The following TNFAIP8 variants were observed in gnomAD, a reference collection of about 807,000 sequenced individuals.
The protein encoded by TNFAIP8 is TNF alpha induced protein 8, also known as tumor necrosis factor alpha-induced protein 8.
A neutral mutation model predicts 13.3 loss-of-function variants in TNFAIP8; 7 were observed. The observed-to-expected ratio is 0.52, with a 90% CI of 0.30 to 0.99. The LOEUF (loss-of-function observed/expected upper bound fraction) is 0.99. TNFAIP8 is among the 50% of genes least tolerant of loss of function. The pLI, the probability that TNFAIP8 is intolerant of heterozygous loss-of-function variation, is 0.07. For missense variants in TNFAIP8, 258 were observed against 236.9 expected (o/e 1.09, Z -0.58); for synonymous variants, 94 against 87.6 (o/e 1.07, Z -0.41).
At chr5:119,314,815 G>C (rs1749835288) in intron 1 of TNFAIP8, among the ~76,000 whole-genome samples, 1 of 152,154 alleles carries the variant, frequency 6.6e-6, no homozygotes, top group Non-Finnish European at 1.5e-5. Context: ...GTGCTGTCAG[G>C]AGTTAGTAAG....
At chr5:119,278,739 A>G (rs1278374173) in intron 1 of TNFAIP8, among the ~76,000 whole-genome samples, 1 of 152,208 alleles carries the variant, frequency 6.6e-6, no homozygotes, top group Non-Finnish European at 1.5e-5. Context: ...CCCAGGTTTC[A>G]TTGGAGTTAA....
chr5:119,301,224 G>A (rs1311236226), intron 1 of TNFAIP8, among the ~76,000 whole-genome samples: 1 of 152,128 alleles, frequency 6.6e-6, no homozygotes, highest in Non-Finnish European at 1.5e-5. Context: ...AGCTCTTCAT[G>A]TCTTCCTTCA....
At chr5:119,372,752 G>C (rs1478480838) in intron 1 of TNFAIP8, among the ~76,000 whole-genome samples, 1 of 152,172 alleles carries the variant, frequency 6.6e-6, no homozygotes, top group Non-Finnish European at 1.5e-5. Flanking sequence ...CTGAGGTCAG[G>C]AGTTCGAGAC....
intron 1 of TNFAIP8, among the ~76,000 whole-genome samples, chr5:119,368,298 T>C (rs1026608639): frequency 6.6e-6 from 1 of 152,164 alleles, no homozygotes; most frequent in Non-Finnish European, 1.5e-5. Flanking sequence ...CCTACAGTTA[T>C]TGCTTTATGA....
intron 1 of TNFAIP8, among the ~76,000 whole-genome samples, chr5:119,280,221 C>T (rs542933104): frequency 1.3e-5 from 2 of 152,142 alleles, no homozygotes; most frequent in South Asian, 2.1e-4. Flanking sequence ...CCCTCTGTTC[C>T]TCCAAAAATA....
At chr5:119,375,699 C>G (rs1314327248) in intron 1 of TNFAIP8, among the ~76,000 whole-genome samples, 1 of 152,058 alleles carries the variant, frequency 6.6e-6, no homozygotes, top group Non-Finnish European at 1.5e-5. Context: ...AACAATTTGT[C>G]TTTGTAACTT....
intron 1 of TNFAIP8, among the ~76,000 whole-genome samples, chr5:119,381,879 C>G (rs1428292946): frequency 6.6e-6 from 1 of 151,990 alleles, no homozygotes; most frequent in Non-Finnish European, 1.5e-5. Flanking sequence ...TTGCAGTGAG[C>G]CAAGATCGCG....
intron 1 of TNFAIP8, among the ~76,000 whole-genome samples, chr5:119,388,743 C>T (rs1009705432): frequency 6.6e-5 from 10 of 151,832 alleles, no homozygotes; most frequent in African/African-American, 2.4e-4. Flanking sequence ...AACTCCTGGG[C>T]TCGGGCAGTC....
chr5:119,396,977 A>G lies in TNFAIP8; in HGVS notation c.*3596A>G, dbSNP rs1019224271. On this transcript the variant is annotated 3_prime_UTR_variant, in exon 2 of 2. Transcript: ENST00000504771. Reference sequence around the variant, plus strand: ...CCACTGCACTGCAGCCTGGGCAACAAGAACGAAACCCCGTCTCAAAAAAAA... The same window carrying G: ...CCACTGCACTGCAGCCTGGGCAACAGGAACGAAACCCCGTCTCAAAAAAAA... The G allele has an allele frequency of 6.8e-6, 1 of 146,464 alleles. No homozygotes were observed. The highest frequency in any genetic ancestry group is 2.6e-5 in the African/African-American group (1 of 38,772). 9.1% of individuals were successfully genotyped at this position (146,464 alleles called of 1,614,324 possible). A position where few individuals can be genotyped will look rare whatever the true frequency, so the allele number is the denominator to read the frequency against.
At chr5:119,373,388 A>G (rs1752159952) in intron 1 of TNFAIP8, among the ~76,000 whole-genome samples, 1 of 152,246 alleles carries the variant, frequency 6.6e-6, no homozygotes, top group Admixed American at 6.5e-5. Flanking sequence ...TTGGAATTCT[A>G]AAAAGTCACT....
intron 1 of TNFAIP8, among the ~76,000 whole-genome samples, chr5:119,388,844 A>G (rs934139548): frequency 4.1e-5 from 6 of 146,284 alleles, no homozygotes; most frequent in African/African-American, 1.5e-4. Context: ...GGGTCTTGCT[A>G]TGTTGCCCAG....
In TNFAIP8 at chr5:119,284,556, C is replaced by T. The variant is rs143552978; in HGVS notation, c.1+15649C>T. 9.2e-5 allele frequency among the ~76,000 whole-genome samples: 14 copies of T among 152,190 alleles called. No individual in the cohort carries two copies. The East Asian group carries it at 2.7e-3, about 29-fold the overall frequency. ...ATTAGCCCGGCATGGTGGTGCACGC[C>T]TGTAGTCCCAGCTCCTTGGGAGGCT... On this transcript the variant is annotated intron_variant, in intron 1 of 1. Coordinates refer to the TNFAIP8 transcript ENST00000274456.
At chr5:119,324,413 A>G (rs1359305042) in intron 1 of TNFAIP8, among the ~76,000 whole-genome samples, 1 of 150,942 alleles carries the variant, frequency 6.6e-6, no homozygotes. Flanking sequence ...TCCTATCTTT[A>G]ACTTCTTCGT....
At position 119,397,189 on chromosome 5, in the gene TNFAIP8, T is replaced by C. The variant is rs1414837297; in HGVS notation, c.*3808T>C. The C allele has an allele frequency of 6.6e-6, 1 of 151,888 alleles. No homozygotes were observed. Among genetic ancestry groups the C allele is most frequent in the Non-Finnish European group, 1.5e-5 (1 of 67,994 alleles). 9.4% of individuals were successfully genotyped at this position (151,888 alleles called of 1,614,324 possible). ...CCCCAAAGGCTTAAAATAGTACTTT[T>C]TGTGGTCTGTACCGGTCAGTTGGAT... On this transcript the variant is annotated 3_prime_UTR_variant, in exon 2 of 2. Transcript: ENST00000504771.
intron 1 of TNFAIP8, among the ~76,000 whole-genome samples, chr5:119,280,552 ATTCAGG>A: frequency 6.6e-6 from 1 of 152,196 alleles, no homozygotes; most frequent in East Asian, 1.9e-4. Flanking sequence ...ACTTGATCAG[ATTCAGG>A]TCTCATCCCT....
In TNFAIP8 at chr5:119,392,592, T is replaced by C. The variant is rs552415025; in HGVS notation, c.32-224T>C. Among the ~76,000 whole-genome samples, 246 of 152,286 alleles carry C rather than the reference T, an allele frequency of 1.6e-3. 2 individuals carry two copies. The highest frequency in any genetic ancestry group is 2.7e-3 in the Admixed American group (42 of 15,296). On this transcript the variant is annotated intron_variant, in intron 1 of 1. Transcript: ENST00000504771. ...GTCTCAAACTCCTGATCTCAAGTGG[T>C]CTGCCCACCTCAGTCTCCCAAAGTG...
At chr5:119,304,277 C>T (rs1361528321) in intron 1 of TNFAIP8, among the ~76,000 whole-genome samples, 8 of 152,066 alleles carry the variant, frequency 5.3e-5, no homozygotes, top group Non-Finnish European at 1.0e-4. Context: ...TTGGCTAACC[C>T]AGCCTGAAAT....
At chr5:119,289,026 T>A (rs1042410394) in intron 1 of TNFAIP8, among the ~76,000 whole-genome samples, 39 of 152,338 alleles carry the variant, frequency 2.6e-4, no homozygotes, top group African/African-American at 8.4e-4. Context: ...TTTGTAGCTT[T>A]CTTTTATGGA....
intron 1 of TNFAIP8, among the ~76,000 whole-genome samples, chr5:119,292,795 T>C (rs971144798): frequency 1.3e-5 from 2 of 150,774 alleles, no homozygotes; most frequent in East Asian, 3.9e-4. Context: ...ATAAACCAGA[T>C]GCAAAAGGCT....
Sources: gnomAD v4.1 joint callset for allele counts (sites outside exome capture counted in the v4.1 genomes callset) on GRCh38, gnomAD v4.1.1 for gene constraint, MANE v1.5 for transcripts, NCBI Gene and HGNC (gene_info 2026-07-23, HGNC 2026-07-21) for gene names.